DSTN: variants seen among roughly 807,000 people sequenced by gnomAD.
DSTN encodes destrin.
In DSTN, 10 loss-of-function variants were observed where a neutral mutation model predicts 16.8. The ratio of observed to expected loss-of-function variants is 0.60; its 90% CI spans 0.37 to 1.01. The LOEUF is 1.01. DSTN is among the 50% of genes least tolerant of loss of function. DSTN has a pLI of 0.01. For missense variants in DSTN, 141 were observed against 196.7 expected (o/e 0.72, Z 1.69); for synonymous variants, 57 against 58.9 (o/e 0.97, Z 0.14).
intron 1 of DSTN, among the ~76,000 whole-genome samples, chr20:17,572,620 G>C (rs979299777): frequency 1.3e-5 from 2 of 152,106 alleles, no homozygotes; most frequent in Non-Finnish European, 2.9e-5. Flanking sequence ...ACTAATTGGC[G>C]CAGTATTCAA....
chr20:17,595,465 C>G (rs2035516254), intron 1 of DSTN, among the ~76,000 whole-genome samples: 1 of 152,120 alleles, frequency 6.6e-6, no homozygotes, highest in Non-Finnish European at 1.5e-5. Flanking sequence ...TGCTGTGGAT[C>G]TTACCCATTT....
At chr20:17,592,159 C>T in intron 1 of DSTN, 3 of 933,072 alleles carry the variant, frequency 3.2e-6, no homozygotes, top group African/African-American at 1.8e-5. Context: ...GGCATGGTGG[C>T]TCATGCCTGT....
At chr20:17,602,923 G>A (rs946390506) in intron 2 of DSTN, among the ~76,000 whole-genome samples, 1 of 152,196 alleles carries the variant, frequency 6.6e-6, no homozygotes, top group African/African-American at 2.4e-5. Context: ...GGGAGGCTGA[G>A]GCAGGAGAAT....
chr20:17,605,024 G>T (rs1260277808), intron 3 of DSTN: 13 of 455,864 alleles, frequency 2.9e-5, no homozygotes, highest in Non-Finnish European at 5.3e-5. Flanking sequence ...AAAAGGAAAT[G>T]TACCTAAATG....
intron 2 of DSTN, 146 bp downstream of exon 2, chr20:17,601,191 AG>A: frequency 3.9e-6 from 4 of 1,017,416 alleles, no homozygotes; most frequent in Non-Finnish European, 4.0e-6. Flanking sequence ...TAATGTTACC[AG>A]GGCTGATGTT....
intron 1 of DSTN, among the ~76,000 whole-genome samples, chr20:17,597,565 A>G (rs2035539753): frequency 6.6e-6 from 1 of 152,212 alleles, no homozygotes; most frequent in South Asian, 2.1e-4. Context: ...CATCACCCGA[A>G]TAACATACAT....
At chr20:17,583,357 T>C (rs2122175006) in intron 1 of DSTN, among the ~76,000 whole-genome samples, 1 of 152,242 alleles carries the variant, frequency 6.6e-6, no homozygotes, top group East Asian at 1.9e-4. Flanking sequence ...CCAAGCAAAA[T>C]GAAAATGTAT....
intron 1 of DSTN, among the ~76,000 whole-genome samples, chr20:17,593,814 C>T (rs188394419): frequency 7.5e-4 from 114 of 152,234 alleles, no homozygotes; most frequent in African/African-American, 2.6e-3. Context: ...GGTGGTGGCT[C>T]ATACCTGTAG....
chr20:17,602,823 G>C (rs944911179), intron 2 of DSTN, among the ~76,000 whole-genome samples: 1 of 152,062 alleles, frequency 6.6e-6, no homozygotes, highest in African/African-American at 2.4e-5. Context: ...TCAAGAGATC[G>C]AGACCATCCT....
intron 1 of DSTN, among the ~76,000 whole-genome samples, chr20:17,570,944 T>C (rs2122150481): frequency 6.6e-6 from 1 of 152,284 alleles, no homozygotes; most frequent in Non-Finnish European, 1.5e-5. Context: ...TGTAGACAGT[T>C]GGACTCTGCC....
At chr20:17,582,647 C>T (rs1052460585) in intron 1 of DSTN, among the ~76,000 whole-genome samples, 7 of 152,040 alleles carry the variant, frequency 4.6e-5, no homozygotes, top group African/African-American at 9.7e-5. Flanking sequence ...ATTGGATATC[C>T]GCATGCAAAA....
At chr20:17,602,962 G>GT (rs1446813483) in intron 2 of DSTN, among the ~76,000 whole-genome samples, 1 of 152,230 alleles carries the variant, frequency 6.6e-6, no homozygotes, top group Non-Finnish European at 1.5e-5. Flanking sequence ...AGAGGTTGCA[G>GT]TGAGCTGAGA....
At chr20:17,574,617 T>C (rs2035247013) in intron 1 of DSTN, among the ~76,000 whole-genome samples, 1 of 149,800 alleles carries the variant, frequency 6.7e-6, no homozygotes, top group Admixed American at 6.7e-5. Flanking sequence ...TCCCAGCTAC[T>C]CAGGAGGCTG....
chr20:17,591,427 C>T (rs1178020017), intron 1 of DSTN, among the ~76,000 whole-genome samples: 9 of 151,564 alleles, frequency 5.9e-5, no homozygotes, highest in East Asian at 1.9e-4. Flanking sequence ...GCCAGGAGTC[C>T]GTGGCACACA....
intron 3 of DSTN, 84 bp from the exon 4 acceptor site, chr20:17,606,953 G>C (rs1315130647): frequency 4.5e-6 from 6 of 1,319,500 alleles, no homozygotes; most frequent in Non-Finnish European, 4.3e-6. Context: ...GATTAGAACT[G>C]GTCTTTTAAA....
At chr20:17,583,731 G>GTTTTTTTTTTTTTTTTTTT (rs74172899) in intron 1 of DSTN, among the ~76,000 whole-genome samples, 1 of 28,026 alleles carries the variant, frequency 3.6e-5, no homozygotes. Flanking sequence ...TGGGTTTGGA[G>GTTTTTTTTTTTTTTTTTTT]TTTCTTTTTT....
At chr20:17,581,247 G>C (rs759140468) in intron 1 of DSTN, among the ~76,000 whole-genome samples, 1 of 152,144 alleles carries the variant, frequency 6.6e-6, no homozygotes, top group Non-Finnish European at 1.5e-5. Context: ...TTGGGAGGCC[G>C]AGGTGAGAGG....
intron 3 of DSTN, chr20:17,605,336 C>T (rs1172362653): frequency 2.9e-6 from 1 of 346,158 alleles, no homozygotes; most frequent in South Asian, 2.2e-5. Context: ...TTGATTCTCT[C>T]AGCTGTAGAA....
At chr20:17,595,499 T>C (rs1206100257) in intron 1 of DSTN, among the ~76,000 whole-genome samples, 1 of 152,108 alleles carries the variant, frequency 6.6e-6, no homozygotes, top group Non-Finnish European at 1.5e-5. Context: ...ATATTGTTAA[T>C]TTTATGAGTG....
Sources: allele counts gnomAD v4.1 joint callset (sites outside exome capture counted in the v4.1 genomes callset), GRCh38; gene constraint gnomAD v4.1.1; transcripts MANE v1.5; gene names NCBI Gene and HGNC (gene_info 2026-07-23, HGNC 2026-07-21).